The following FAM86B1 variants were observed in gnomAD, a reference collection of about 807,000 sequenced individuals.
FAM86B1 encodes the protein family with sequence similarity 86 member B1 (gene/pseudogene), also known as putative protein N-methyltransferase FAM86B1.
For synonymous variants in FAM86B1, 4 were observed against 137.6 expected, an observed-to-expected ratio of 0.03 and a Z score of 6.79; for missense variants, 13 against 328.1, an observed-to-expected ratio of 0.04 and a Z score of 7.42.
intron 2 of FAM86B1, among the ~76,000 whole-genome samples, chr8:12,190,679 G>C (rs1373725545): frequency 2.6e-5 from 2 of 76,004 alleles, no homozygotes; most frequent in Admixed American, 2.9e-4. Context: ...CCACCTCCTG[G>C]GTTCAAGCGA....
At position 12,183,153 on chromosome 8, in the gene FAM86B1, G is replaced by A. The variant is rs1805199490; in HGVS notation, c.*453C>T. On this transcript the variant is annotated 3_prime_UTR_variant, in exon 7 of 7. Coordinates refer to ENST00000448228, the MANE Select transcript of FAM86B1 (RefSeq NM_001083537.4). ...ACCGAGTGTGTCCAGGGATGTGGCAGCTGCAGCGGGCTTGGCTTTGTGAGG... is the reference window on the plus strand; with the variant it reads ...ACCGAGTGTGTCCAGGGATGTGGCAACTGCAGCGGGCTTGGCTTTGTGAGG... 1 of 107,076 alleles carries A rather than the reference G, an allele frequency of 9.3e-6. No individual in the cohort carries two copies. Among genetic ancestry groups the A allele is most frequent in the African/African-American group, 3.8e-5 (1 of 25,996 alleles). The allele number at this position is 107,076 out of a possible 1,614,324, so 6.6% of individuals were successfully genotyped here. A position where few individuals can be genotyped will look rare whatever the true frequency, so the allele number is the denominator to read the frequency against.
chr8:12,194,923 C>T (rs1585254905), upstream of FAM86B1: 1 of 151,114 alleles, frequency 6.6e-6, no homozygotes, highest in Non-Finnish European at 1.4e-5. Context: ...GAGGCAGGCC[C>T]AGGAGCGAGC....
At chr8:12,190,918 A>C (rs1585237879) in intron 2 of FAM86B1, among the ~76,000 whole-genome samples, 1 of 109,776 alleles carries the variant, frequency 9.1e-6, no homozygotes, top group Non-Finnish European at 1.8e-5. Flanking sequence ...CTCTCCCTAC[A>C]TCTCATGCTT....
chr8:12,192,810 A>G (rs1477555256), intron 1 of FAM86B1, among the ~76,000 whole-genome samples: 1 of 150,344 alleles, frequency 6.7e-6, no homozygotes, highest in Non-Finnish European at 1.5e-5. Context: ...TAACACCGAC[A>G]TGCATTTACC....
At chr8:12,193,084 G>C (rs62494605) in intron 1 of FAM86B1, among the ~76,000 whole-genome samples, 3 of 143,868 alleles carry the variant, frequency 2.1e-5, no homozygotes, top group African/African-American at 5.7e-5. Context: ...GTACCCACCT[G>C]GTGGGTGTTG....
chr8:12,190,115 GC>G (rs1388248001), intron 2 of FAM86B1, among the ~76,000 whole-genome samples: 1 of 118,052 alleles, frequency 8.5e-6, no homozygotes, highest in Non-Finnish European at 1.7e-5. Flanking sequence ...CATTTCTAAT[GC>G]CCATTCTGAG....
intron 2 of FAM86B1, among the ~76,000 whole-genome samples, chr8:12,190,812 C>T (rs879744248): frequency 0.01 from 1,057 of 102,030 alleles, no homozygotes; most frequent in Middle Eastern, 0.022. Flanking sequence ...GTCTTGAACT[C>T]CTGACCTTAG....
chr8:12,189,263 TAAATAAATAA>T (rs1806393960), intron 3 of FAM86B1, among the ~76,000 whole-genome samples: 1 of 30,488 alleles, frequency 3.3e-5, no homozygotes, highest in East Asian at 1.2e-3. Flanking sequence ...AATATATAAA[TAAATAAATAA>T]ATAAATAAAT....
Position 12,182,378 on chromosome 8 carries a change from T to C in FAM86B1, c.*1228A>G. 1 of 550,616 alleles carries C rather than the reference T, an allele frequency of 1.8e-6. No homozygotes were observed. The highest frequency in any genetic ancestry group is 3.1e-5 in the East Asian group (1 of 31,760). 34.1% of individuals were successfully genotyped at this position (550,616 alleles called of 1,614,324 possible). ...CATACGGGGAAGTTTCCAGAAAGCATGATGTCAAGTTGGAAGTGGAGCGCT... is the reference window on the plus strand; with the variant it reads ...CATACGGGGAAGTTTCCAGAAAGCACGATGTCAAGTTGGAAGTGGAGCGCT... On this transcript the variant is annotated 3_prime_UTR_variant, in exon 7 of 7. Transcript: ENST00000448228.
chr8:12,190,976 G>T (rs1295416657), intron 2 of FAM86B1, among the ~76,000 whole-genome samples: 1 of 146,626 alleles, frequency 6.8e-6, no homozygotes, highest in Admixed American at 6.8e-5. Context: ...AGCAAGGTGC[G>T]AGATAACTTC....
chr8:12,190,851 A>G (rs1478808236), intron 2 of FAM86B1, among the ~76,000 whole-genome samples: 1 of 99,696 alleles, frequency 1.0e-5, no homozygotes, highest in Non-Finnish European at 1.9e-5. Flanking sequence ...CCTCCCAAAG[A>G]CCTGGGATTA....
chr8:12,193,321 T>A (rs1303852108), intron 1 of FAM86B1, among the ~76,000 whole-genome samples: 1 of 144,848 alleles, frequency 6.9e-6, no homozygotes, highest in Non-Finnish European at 1.5e-5. Context: ...GGAATATATA[T>A]CCCAACTGAC....
intron 2 of FAM86B1, among the ~76,000 whole-genome samples, chr8:12,190,933 A>G (rs1310921654): frequency 8.2e-6 from 1 of 122,278 alleles, no homozygotes; most frequent in African/African-American, 3.5e-5. Context: ...ATGCTTCACC[A>G]CCTATGAGAG....
Position 12,189,257 on chromosome 8 carries a change from T to TATAA in FAM86B1, c.240+547_240+550dup, listed in dbSNP as rs777926231. Among the ~76,000 whole-genome samples, 548 of 82,530 alleles carry TATAA rather than the reference T, an allele frequency of 6.6e-3. 31 individuals carry two copies. The highest frequency in any genetic ancestry group is 7.0e-3 in the Non-Finnish European group (305 of 43,716). 54.1% of individuals were successfully genotyped at this position (82,530 alleles called of 152,430 possible). A position where few individuals can be genotyped will look rare whatever the true frequency, so the allele number is the denominator to read the frequency against. On this transcript the variant is annotated intron_variant, in intron 3 of 6. Transcript: ENST00000448228. ...GTGAGACTCTGTCTCAAAAAAAATA[T>TATAA]ATAAATAAATAAATAAATAAATAAA...
chr8:12,190,747 G>A (rs1585237171), intron 2 of FAM86B1, among the ~76,000 whole-genome samples: 1 of 102,974 alleles, frequency 9.7e-6, no homozygotes, highest in African/African-American at 4.5e-5. Flanking sequence ...ACCACACCCA[G>A]CTAATTTTTT....
Position 12,182,425 on chromosome 8 carries a change from A to T in FAM86B1, c.*1181T>A. 1 of 1,061,660 alleles carries T rather than the reference A, an allele frequency of 9.4e-7. No individual in the cohort carries two copies. Among genetic ancestry groups the T allele is most frequent in the Admixed American group, 2.3e-5 (1 of 43,678 alleles). The allele number at this position is 1,061,660 out of a possible 1,614,324, so 65.8% of individuals were successfully genotyped here. On this transcript the variant is annotated 3_prime_UTR_variant, in exon 7 of 7. Coordinates refer to ENST00000448228, the MANE Select transcript of FAM86B1 (RefSeq NM_001083537.4). ...CGCTGCTGGGTTGTGAAGGGTCTCA[A>T]GTCCAAGTGAGGGGGGTTGTGAAGG...
At chr8:12,189,257 TATAAATAAATAA>T (rs777926231) in intron 3 of FAM86B1, among the ~76,000 whole-genome samples, 301 of 82,440 alleles carry the variant, frequency 3.7e-3, no homozygotes, top group African/African-American at 0.011. Context: ...AAAAAAAATA[TATAAATAAATAA>T]ATAAATAAAT....
chr8:12,191,118 A>T (rs1451602939), intron 2 of FAM86B1, among the ~76,000 whole-genome samples: 15 of 77,110 alleles, frequency 1.9e-4, no homozygotes, highest in African/African-American at 8.7e-4. Flanking sequence ...GGCTCCTAGG[A>T]TGGGCTGGGT....
chr8:12,194,257 T>TG (rs1270133716), upstream of FAM86B1: 1 of 1,104,790 alleles, frequency 9.1e-7, no homozygotes, highest in African/African-American at 1.9e-5. Context: ...GGGCGGGGCC[T>TG]GGGGTAGGGC....
Sources: allele counts gnomAD v4.1 joint callset (sites outside exome capture counted in the v4.1 genomes callset), GRCh38; gene constraint gnomAD v4.1.1; transcripts MANE v1.5; gene names NCBI Gene and HGNC (gene_info 2026-07-23, HGNC 2026-07-21).